ZNF487: variants seen among roughly 807,000 people sequenced by gnomAD.
The protein encoded by ZNF487 is zinc finger protein 487, also known as KRAB domain only 1.
ZNF487 carries 4 observed loss-of-function variants against 3.0 expected under a neutral mutation model. That is an observed-to-expected ratio of 1.35 (90% CI 0.66 to 3.08). The LOEUF is 3.08. ZNF487 is among the 30% of genes most tolerant of loss of function. The pLI is 0.01. For synonymous variants in ZNF487, 55 were observed against 34.6 expected, an observed-to-expected ratio of 1.59 and a Z score of -2.06; for missense variants, 146 against 98.7, an observed-to-expected ratio of 1.48 and a Z score of -2.03.
intron 1 of ZNF487, among the ~76,000 whole-genome samples, chr10:43,461,191 G>A (rs529858282): frequency 6.6e-6 from 1 of 152,116 alleles, no homozygotes; most frequent in South Asian, 2.1e-4. Context: ...ATTTATAGTA[G>A]AGATGGGGTT....
At chr10:43,507,950 CCTGTGTCATGG>C in the ZNF487 span, among the ~76,000 whole-genome samples, 15 of 152,164 alleles carry the variant, frequency 9.9e-5, no homozygotes, top group Admixed American at 5.9e-4. Flanking sequence ...AATAAAAAAG[CCTGTGTCATGG>C]AAAAGGCGGG....
At chr10:43,495,126 A>C in the ZNF487 span, among the ~76,000 whole-genome samples, 2 of 151,376 alleles carry the variant, frequency 1.3e-5, no homozygotes, top group African/African-American at 4.8e-5. Context: ...GTATCTTAAT[A>C]TAGCTCTATC....
chr10:43,469,412 C>T (rs953037532), intron 1 of ZNF487, among the ~76,000 whole-genome samples: 16 of 152,060 alleles, frequency 1.1e-4, no homozygotes, highest in African/African-American at 3.4e-4. Flanking sequence ...AGGCTGGTCT[C>T]GAACCCCTGA....
chr10:43,505,032 G>A, the ZNF487 span, among the ~76,000 whole-genome samples: 1 of 151,434 alleles, frequency 6.6e-6, no homozygotes, highest in South Asian at 2.1e-4. Context: ...TTAAAGAGAT[G>A]GAGTATTGCT....
At chr10:43,484,737 T>C (rs1460773860), downstream of ZNF487, among the ~76,000 whole-genome samples, 1 of 152,230 alleles carries the variant, frequency 6.6e-6, no homozygotes, top group African/African-American at 2.4e-5. Flanking sequence ...CATTCTATTT[T>C]TTAGAGTTTC....
At chr10:43,464,843 A>G (rs1589039278) in intron 1 of ZNF487, among the ~76,000 whole-genome samples, 2 of 151,946 alleles carry the variant, frequency 1.3e-5, no homozygotes, top group South Asian at 2.1e-4. Context: ...ATTCCACAAA[A>G]CCGCCATCGT....
At chr10:43,475,538 C>T (rs537885438) in intron 1 of ZNF487, among the ~76,000 whole-genome samples, 183 bp from the exon 2 acceptor site, 7 of 151,988 alleles carry the variant, frequency 4.6e-5, no homozygotes, top group African/African-American at 1.7e-4. Context: ...ATTAATATAC[C>T]GGCAGAGTCC....
chr10:43,442,811 T>C (rs944819306), intron 1 of ZNF487, among the ~76,000 whole-genome samples: 10 of 152,188 alleles, frequency 6.6e-5, no homozygotes, highest in Non-Finnish European at 1.5e-4. Flanking sequence ...AAGTCTGATA[T>C]GTGTTTGTTA....
chr10:43,467,570 A>C (rs1840752353), intron 1 of ZNF487, among the ~76,000 whole-genome samples: 1 of 151,820 alleles, frequency 6.6e-6, no homozygotes, highest in Non-Finnish European at 1.5e-5. Flanking sequence ...TAATCCCAGC[A>C]CTTTGGGAGG....
chr10:43,522,756 A>T, the ZNF487 span, among the ~76,000 whole-genome samples: 1 of 152,054 alleles, frequency 6.6e-6, no homozygotes. Context: ...TAAAAAAAAT[A>T]AAAACAAAGA....
chr10:43,447,192 G>C (rs1248998237), intron 1 of ZNF487, among the ~76,000 whole-genome samples: 1 of 151,006 alleles, frequency 6.6e-6, no homozygotes, highest in African/African-American at 2.4e-5. Context: ...ATGAGGGAGA[G>C]GGGGAGACCG....
chr10:43,515,013 C>G, the ZNF487 span, among the ~76,000 whole-genome samples: 3 of 152,206 alleles, frequency 2.0e-5, no homozygotes, highest in African/African-American at 7.2e-5. Flanking sequence ...TGTATTTTAG[C>G]TAACCAAGCA....
At chr10:43,463,556 T>A (rs1840514799) in intron 1 of ZNF487, among the ~76,000 whole-genome samples, 1 of 151,712 alleles carries the variant, frequency 6.6e-6, no homozygotes, top group African/African-American at 2.4e-5. Flanking sequence ...AAAAAAATTT[T>A]TTTTTTTTGG....
At chr10:43,440,175 A>C (rs1191474152) in intron 1 of ZNF487, among the ~76,000 whole-genome samples, 1 of 151,552 alleles carries the variant, frequency 6.6e-6, no homozygotes, top group East Asian at 2.0e-4. Context: ...CAGCCTCCCG[A>C]GTAGCTAGGA....
At chr10:43,475,547 C>T (rs1314412752) in intron 1 of ZNF487, 174 bp from the exon 2 acceptor site, 7 of 585,912 alleles carry the variant, frequency 1.2e-5, no homozygotes, top group Non-Finnish European at 2.1e-5. Flanking sequence ...CCGGCAGAGT[C>T]CTCATACCAG....
At chr10:43,485,451 T>C (rs1841463486), downstream of ZNF487, among the ~76,000 whole-genome samples, 1 of 152,230 alleles carries the variant, frequency 6.6e-6, no homozygotes, top group Non-Finnish European at 1.5e-5. Context: ...GAATGGGGCA[T>C]GAAGACTTCC....
chr10:43,519,624 C>T, the ZNF487 span, among the ~76,000 whole-genome samples: 2 of 152,246 alleles, frequency 1.3e-5, no homozygotes, highest in East Asian at 1.9e-4. Flanking sequence ...CCCGCCACCA[C>T]ACCCAGCTAA....
At chr10:43,514,928 T>A in the ZNF487 span, among the ~76,000 whole-genome samples, 1 of 152,220 alleles carries the variant, frequency 6.6e-6, no homozygotes, top group African/African-American at 2.4e-5. Flanking sequence ...CCTAAGCCTT[T>A]GTATCCCTTC....
At chr10:43,470,548 T>C (rs1055419208) in intron 1 of ZNF487, among the ~76,000 whole-genome samples, 2 of 152,140 alleles carry the variant, frequency 1.3e-5, no homozygotes, top group Non-Finnish European at 2.9e-5. Flanking sequence ...CACACCTGGC[T>C]AATTTTTTTG....
Sources: allele counts gnomAD v4.1 joint callset (sites outside exome capture counted in the v4.1 genomes callset), GRCh38; gene constraint gnomAD v4.1.1; transcripts MANE v1.5; gene names NCBI Gene and HGNC (gene_info 2026-07-23, HGNC 2026-07-21).